LYRM1: variants seen among roughly 807,000 people sequenced by gnomAD.
LYRM1 encodes LYR motif-containing protein 1.
Under a neutral mutation model 14.9 loss-of-function variants are expected in LYRM1, and 14 were observed. The ratio of observed to expected loss-of-function variants is 0.94; its 90% CI spans 0.62 to 1.47. LYRM1 has a LOEUF of 1.47. Ranked by LOEUF, LYRM1 falls within the 40% of genes most tolerant of loss-of-function variation. The probability of loss-of-function intolerance (pLI) is 0.00; values close to 1 mark genes in which losing one functional copy is unlikely to be tolerated. For synonymous variants in LYRM1, 43 were observed against 56.2 expected (o/e 0.77, Z 1.05); for missense variants, 153 against 149.9 (o/e 1.02, Z -0.11).
At chr16:20,905,750 A>T (rs1280378769) in intron 1 of LYRM1, among the ~76,000 whole-genome samples, 1 of 152,258 alleles carries the variant, frequency 6.6e-6, no homozygotes, top group Non-Finnish European at 1.5e-5. Flanking sequence ...TGAGGGTTAC[A>T]TCATAGCTGT....
chr16:20,908,084 C>T (rs753001611), intron 1 of LYRM1, among the ~76,000 whole-genome samples: 2 of 152,086 alleles, frequency 1.3e-5, no homozygotes, highest in African/African-American at 2.4e-5. Context: ...GTAGTGAGCC[C>T]CTGCACTGGT....
intron 3 of LYRM1, among the ~76,000 whole-genome samples, chr16:20,922,910 C>T (rs1029518249): frequency 2.0e-5 from 3 of 152,222 alleles, no homozygotes; most frequent in Admixed American, 1.3e-4. Flanking sequence ...TTTGAGTCCA[C>T]AGGCCTGAGA....
chr16:20,923,361 G>A (rs770185251), intron 3 of LYRM1, among the ~76,000 whole-genome samples: 4 of 151,828 alleles, frequency 2.6e-5, no homozygotes, highest in Admixed American at 6.6e-5. Context: ...TTAGCCGGGC[G>A]TGGTGGCGAG....
chr16:20,923,261 A>C (rs530856518), intron 3 of LYRM1, among the ~76,000 whole-genome samples: 21 of 152,272 alleles, frequency 1.4e-4, no homozygotes, highest in African/African-American at 4.8e-4. Flanking sequence ...GCACTATGGG[A>C]GGCCAAGGCA....
chr16:20,918,611 G>A (rs1456960529), intron 2 of LYRM1, among the ~76,000 whole-genome samples: 1 of 152,134 alleles, frequency 6.6e-6, no homozygotes, highest in Non-Finnish European at 1.5e-5. Context: ...CAGATAGACA[G>A]CTGAAGCCCC....
intron 3 of LYRM1, among the ~76,000 whole-genome samples, chr16:20,922,521 G>T (rs535073248): frequency 1.4e-4 from 21 of 151,666 alleles, no homozygotes; most frequent in Non-Finnish European, 2.9e-4. Flanking sequence ...ACGGAGTCTC[G>T]CACTGTCACC....
At chr16:20,908,731 C>T (rs572949701) in intron 1 of LYRM1, among the ~76,000 whole-genome samples, 1 of 152,276 alleles carries the variant, frequency 6.6e-6, no homozygotes, top group East Asian at 1.9e-4. Flanking sequence ...TATCTGCTGG[C>T]CATGATAGAA....
At chr16:20,906,452 G>A (rs536426221) in intron 1 of LYRM1, among the ~76,000 whole-genome samples, 3 of 152,226 alleles carry the variant, frequency 2.0e-5, no homozygotes, top group Admixed American at 6.5e-5. Context: ...ACTATACTAC[G>A]GTCATGAGTT....
At chr16:20,907,042 G>C (rs1351139277) in intron 1 of LYRM1, among the ~76,000 whole-genome samples, 5 of 152,154 alleles carry the variant, frequency 3.3e-5, no homozygotes, top group Admixed American at 6.5e-5. Context: ...TGGTCAGTCA[G>C]GAAAATGATC....
intron 2 of LYRM1, among the ~76,000 whole-genome samples, chr16:20,919,128 G>A (rs1341695277): frequency 2.0e-5 from 3 of 152,162 alleles, no homozygotes; most frequent in Non-Finnish European, 4.4e-5. Context: ...CTGTTTTTCA[G>A]AATGAACTTT....
chr16:20,916,547 A>C (rs1455300387), intron 2 of LYRM1, among the ~76,000 whole-genome samples: 2 of 152,144 alleles, frequency 1.3e-5, no homozygotes, highest in Non-Finnish European at 2.9e-5. Flanking sequence ...CGCCAGCTGC[A>C]GGGGTCCTCT....
Position 20,920,219 on chromosome 16 carries a change from G to A in LYRM1, c.252+5G>A. 1 of 1,603,204 alleles carries A rather than the reference G, an allele frequency of 6.2e-7. No homozygotes were observed. The highest frequency in any genetic ancestry group is 8.5e-7 in the Non-Finnish European group (1 of 1,169,976). On this transcript the variant is annotated splice_donor_5th_base_variant and intron_variant, in intron 3 of 3. Transcript: ENST00000567954. ...AAGATTCCTTACCCAAGGCCAGTAAGTGTGACTCCGGTTAACAAGTGCTGG... is the reference window on the plus strand; with the variant it reads ...AAGATTCCTTACCCAAGGCCAGTAAATGTGACTCCGGTTAACAAGTGCTGG...
Position 20,920,317 on chromosome 16 carries a change from G to C in LYRM1, c.252+103G>C, listed in dbSNP as rs543247576. On this transcript the variant is annotated intron_variant, in intron 3 of 3. Coordinates refer to ENST00000567954, the MANE Select transcript of LYRM1 (RefSeq NM_001128302.3). ...GGGCGAGTGCTTGCTGAGAAGCCCA[G>C]AGCTGCTGTGGGAGGCATGTTGGAA... is the stretch of plus-strand genomic sequence containing the variant. 166 of 862,178 alleles carry C rather than the reference G, an allele frequency of 1.9e-4. 1 individual carries two copies. In the African/African-American group the frequency reaches 2.4e-3, roughly 12 times the overall value. 53.4% of individuals were successfully genotyped at this position (862,178 alleles called of 1,614,324 possible). A position where few individuals can be genotyped will look rare whatever the true frequency, so the allele number is the denominator to read the frequency against.
chr16:20,923,369 G>A (rs528613208), intron 3 of LYRM1, among the ~76,000 whole-genome samples: 96 of 151,644 alleles, frequency 6.3e-4, no homozygotes, highest in Non-Finnish European at 3.2e-4. Context: ...GCGTGGTGGC[G>A]AGCACCTATA....
intron 3 of LYRM1, among the ~76,000 whole-genome samples, chr16:20,922,739 C>T (rs1047528334): frequency 3.3e-5 from 5 of 152,170 alleles, no homozygotes; most frequent in Admixed American, 6.5e-5. Context: ...CCGCCCACCT[C>T]AGCTTCCCAA....
Position 20,924,124 on chromosome 16 carries a change from G to C in LYRM1, c.*8G>C, listed in dbSNP as rs1287948068. ...CATGATGAAGTTTCCTAATCTAGAG[G>C]AAAGTTTATTTCTGCAAATGATGAG... On this transcript the variant is annotated 3_prime_UTR_variant, in exon 4 of 4. Coordinates refer to ENST00000567954, the MANE Select transcript of LYRM1 (RefSeq NM_001128302.3). 6.7e-7 allele frequency: 1 copy of C among 1,488,006 alleles called. No homozygotes were observed. The highest frequency in any genetic ancestry group is 1.4e-5 in the African/African-American group (1 of 71,956). The allele number at this position is 1,488,006 out of a possible 1,614,324, so 92.2% of individuals were successfully genotyped here.
rs2082458138 is a variant in LYRM1, at chr16:20,909,051, A to G, written c.1-6505A>G. Among the ~76,000 whole-genome samples, 3 of 152,336 alleles carry G rather than the reference A, an allele frequency of 2.0e-5. No homozygotes were observed. The South Asian group carries it at 6.2e-4, about 32-fold the overall frequency. The stretch of plus-strand genomic sequence containing the variant: ...GGTTTGATGGGCTTTTCTAATATAC[A>G]GTTTGTATTGTATATCTAAGATCAC... On this transcript the variant is annotated intron_variant, in intron 1 of 3. Coordinates refer to ENST00000567954, the MANE Select transcript of LYRM1 (RefSeq NM_001128302.3).
chr16:20,914,735 G>C (rs2082786324), intron 1 of LYRM1, among the ~76,000 whole-genome samples: 1 of 152,128 alleles, frequency 6.6e-6, no homozygotes, highest in South Asian at 2.1e-4. Context: ...GCAGCTGCTG[G>C]CTGGAGCTGA....
chr16:20,912,075 C>G (rs549560910), intron 1 of LYRM1, among the ~76,000 whole-genome samples: 1 of 152,126 alleles, frequency 6.6e-6, no homozygotes, highest in Non-Finnish European at 1.5e-5. Flanking sequence ...GCTAGGACTA[C>G]AGGCACATGC....
Sources: allele counts gnomAD v4.1 joint callset (sites outside exome capture counted in the v4.1 genomes callset), GRCh38; gene constraint gnomAD v4.1.1; transcripts MANE v1.5; gene names NCBI Gene and HGNC (gene_info 2026-07-23, HGNC 2026-07-21).